FRMD8: variants seen among roughly 807,000 people sequenced by gnomAD.
FRMD8 encodes FERM domain containing 8.
A neutral mutation model predicts 54.2 loss-of-function variants in FRMD8; 37 were observed. That is an observed-to-expected ratio of 0.68 (90% CI 0.53 to 0.90). FRMD8 has a LOEUF of 0.90. Ranked by LOEUF, FRMD8 falls within the 40% of genes least tolerant of loss-of-function variation. The probability of loss-of-function intolerance (pLI) is 0.00; values close to 1 mark genes in which losing one functional copy is unlikely to be tolerated. For synonymous variants in FRMD8, 246 were observed against 286.9 expected, an observed-to-expected ratio of 0.86 and a Z score of 1.44; for missense variants, 585 against 653.7, an observed-to-expected ratio of 0.89 and a Z score of 1.15.
the FRMD8 span, among the ~76,000 whole-genome samples, chr11:65,372,252 C>G: frequency 6.6e-6 from 1 of 152,182 alleles, no homozygotes; most frequent in African/African-American, 2.4e-5. Flanking sequence ...CCTTCCTGCC[C>G]CATCTTTGTC....
intron 2 of FRMD8, among the ~76,000 whole-genome samples, chr11:65,387,774 G>A (rs1488184901): frequency 6.6e-6 from 1 of 152,096 alleles, no homozygotes; most frequent in Non-Finnish European, 1.5e-5. Flanking sequence ...TCCTGACCTC[G>A]TGATCTGCCT....
In FRMD8 at chr11:65,404,634, C is replaced by T. The variant is rs2137925834; in HGVS notation, c.1072-230C>T. Among the ~76,000 whole-genome samples the T allele has an allele frequency of 6.6e-6, 1 of 152,016 alleles. No individual in the cohort carries two copies. Reference sequence around the variant, plus strand: ...GGCTGTGCCTTCTGACCAGAATGTTCTTTCTTTCCCACCTGAACTCCCAGA... The same window carrying T: ...GGCTGTGCCTTCTGACCAGAATGTTTTTTCTTTCCCACCTGAACTCCCAGA... On this transcript the variant is annotated intron_variant, in intron 9 of 10. Coordinates refer to ENST00000317568, the MANE Select transcript of FRMD8 (RefSeq NM_031904.5). This position sits in a 1 kb window ranked among gnomAD's most constrained non-coding sequence, Gnocchi z 4.7.
the FRMD8 span, chr11:65,379,411 T>A: frequency 6.2e-7 from 1 of 1,612,640 alleles, no homozygotes; most frequent in South Asian, 1.1e-5. Flanking sequence ...GCTAGGAAGA[T>A]GTGCATGTAG....
At chr11:65,405,528 C>G (rs750633428) in intron 10 of FRMD8, among the ~76,000 whole-genome samples, 1 of 152,134 alleles carries the variant, frequency 6.6e-6, no homozygotes, top group Non-Finnish European at 1.5e-5. Context: ...GAGGCTGAGG[C>G]AGGAAAAACG....
chr11:65,408,501 A>G (rs749296599), intron 10 of FRMD8, among the ~76,000 whole-genome samples: 3 of 151,814 alleles, frequency 2.0e-5, no homozygotes, highest in African/African-American at 4.8e-5. Flanking sequence ...TGGGCATTAC[A>G]GTTTTCAGCG....
At chr11:65,394,454 G>A (rs1271354955) in intron 6 of FRMD8, 29 bp downstream of exon 6, 1 of 1,546,618 alleles carries the variant, frequency 6.5e-7, no homozygotes, top group Non-Finnish European at 8.7e-7. Context: ...TGAGGCGGGG[G>A]CGCTGGGTGG....
the FRMD8 span, among the ~76,000 whole-genome samples, chr11:65,373,312 C>T: frequency 1.1e-4 from 17 of 152,318 alleles, 1 homozygote; most frequent in South Asian, 3.3e-3. Flanking sequence ...ACCTGGGAAC[C>T]GGCCTCAGGT....
upstream of FRMD8, among the ~76,000 whole-genome samples, chr11:65,385,238 A>G (rs1485272692): frequency 6.6e-6 from 1 of 152,172 alleles, no homozygotes; most frequent in Non-Finnish European, 1.5e-5. Flanking sequence ...GCTGAGAACC[A>G]GGAAGGAGAT....
rs1338516637 is a variant in FRMD8, at chr11:65,412,832, G to A, written c.*1472G>A. 1.3e-5 allele frequency: 2 copies of A among 152,178 alleles called. No individual in the cohort carries two copies. Among genetic ancestry groups the A allele is most frequent in the Admixed American group, 6.5e-5 (1 of 15,280 alleles). The allele number at this position is 152,178 out of a possible 1,614,324, so 9.4% of individuals were successfully genotyped here. On this transcript the variant is annotated 3_prime_UTR_variant, in exon 11 of 11. Transcript: ENST00000317568. ...AGGCGGAAAGAAGAGGCCTGGGAAG[G>A]GCCCCCAGTCTTTTGGAATGTCCTG...
At chr11:65,381,675 C>T (rs769034308), upstream of FRMD8, 8 of 488,692 alleles carry the variant, frequency 1.6e-5, no homozygotes, top group African/African-American at 2.0e-5. Context: ...TCAAGCAATC[C>T]TCCTAAGTAG....
At chr11:65,380,151 T>G in the FRMD8 span, 2 of 1,614,184 alleles carry the variant, frequency 1.2e-6, no homozygotes, top group Non-Finnish European at 1.7e-6. Context: ...GTCAAACGGG[T>G]GTCCCAGGAC....
chr11:65,386,673 C>G lies in FRMD8; in HGVS notation c.-89C>G, dbSNP rs557981775. ...GTCAGCTGCGTCCTTAGCGGGAGCCCGAGTGCGGGCGGTGGCGGGCTTGGC... is the reference window on the plus strand; with the variant it reads ...GTCAGCTGCGTCCTTAGCGGGAGCCGGAGTGCGGGCGGTGGCGGGCTTGGC... On this transcript the variant is annotated 5_prime_UTR_variant, in exon 1 of 11. Coordinates refer to ENST00000317568, the MANE Select transcript of FRMD8 (RefSeq NM_031904.5). The G allele has an allele frequency of 3.6e-6, 1 of 275,930 alleles. No homozygotes were observed. The highest frequency in any genetic ancestry group is 5.4e-5 in the Admixed American group (1 of 18,604). The allele number at this position is 275,930 out of a possible 1,614,324, so 17.1% of individuals were successfully genotyped here.
chr11:65,394,168 C>T (rs570592324), intron 5 of FRMD8, 69 bp downstream of exon 5: 13 of 1,603,172 alleles, frequency 8.1e-6, no homozygotes, highest in East Asian at 2.2e-5. Flanking sequence ...TCCCTAGACC[C>T]CTGGACATTC....
chr11:65,377,144 A>C, the FRMD8 span: 1 of 1,536,874 alleles, frequency 6.5e-7, no homozygotes, highest in African/African-American at 1.4e-5. Flanking sequence ...TTATATTCAC[A>C]AGAGGAAGGA....
chr11:65,399,865 G>GC lies in FRMD8; in HGVS notation c.927+11dup. On this transcript the variant is annotated splice_region_variant and intron_variant, in intron 8 of 10. Coordinates refer to ENST00000317568, the MANE Select transcript of FRMD8 (RefSeq NM_031904.5). ...TCATCGATAGCAGAGAGAAGGTACTGCCCCCAGCTCCTCCAGGGTGGAGAG... is the reference window on the plus strand; with the variant it reads ...TCATCGATAGCAGAGAGAAGGTACTGCCCCCCAGCTCCTCCAGGGTGGAGAG... The GC allele has an allele frequency of 6.2e-7, 1 of 1,610,346 alleles. No homozygotes were observed. The highest frequency in any genetic ancestry group is 8.5e-7 in the Non-Finnish European group (1 of 1,177,944).
At chr11:65,376,084 A>G in the FRMD8 span, 1 of 299,506 alleles carries the variant, frequency 3.3e-6, no homozygotes, top group Admixed American at 4.6e-5. Flanking sequence ...AAAAAAAAAA[A>G]AAAAAAAAGA....
rs1255875307 is a variant in FRMD8, at chr11:65,411,696, C to T, written c.*336C>T. 4.8e-6 allele frequency: 1 copy of T among 209,476 alleles called. No individual in the cohort carries two copies. The highest frequency in any genetic ancestry group is 9.6e-6 in the Non-Finnish European group (1 of 104,710). 13.0% of individuals were successfully genotyped at this position (209,476 alleles called of 1,614,324 possible). A position where few individuals can be genotyped will look rare whatever the true frequency, so the allele number is the denominator to read the frequency against. Reference sequence around the variant, plus strand: ...GTGCCCACCTCAAGATGGGCAGTGTCCCTGTTCTGAAGTGCCCAGTGGCAG... The same window carrying T: ...GTGCCCACCTCAAGATGGGCAGTGTTCCTGTTCTGAAGTGCCCAGTGGCAG... On this transcript the variant is annotated 3_prime_UTR_variant, in exon 11 of 11. Coordinates refer to ENST00000317568, the MANE Select transcript of FRMD8 (RefSeq NM_031904.5).
At position 65,400,733 on chromosome 11, in the gene FRMD8, C is replaced by T. The variant is rs760569829; in HGVS notation, c.937C>T (p.Leu313=). 1 of 1,593,238 alleles carries T rather than the reference C, an allele frequency of 6.3e-7. No homozygotes were observed. Among genetic ancestry groups the T allele is most frequent in the African/African-American group, 1.3e-5 (1 of 74,768 alleles). Residue 313 remains leucine, a synonymous_variant, in exon 9 of 11, where the codon CTG becomes TTG. Transcript: ENST00000317568. This position sits in a 1 kb window ranked among gnomAD's most constrained non-coding sequence, Gnocchi z 4.3. ...VIDSREKHVL[L]GLRFQELSWD... is the part of the protein sequence containing the mutation. ...GTCTCCTGCTGGCCAGCATGTCCTG[C>T]TGGGCCTGCGCTTCCAGGAGCTGTC... is the stretch of plus-strand genomic sequence containing the variant.
upstream of FRMD8, among the ~76,000 whole-genome samples, chr11:65,384,248 G>A (rs1453824037): frequency 6.6e-6 from 1 of 152,038 alleles, no homozygotes; most frequent in Non-Finnish European, 1.5e-5. Context: ...TCATCCTGGG[G>A]TTCAAGGCCT....
Sources: allele counts gnomAD v4.1 joint callset (sites outside exome capture counted in the v4.1 genomes callset), GRCh38; gene constraint gnomAD v4.1.1; non-coding constraint Gnocchi (gnomAD v3.1); transcripts MANE v1.5; gene names NCBI Gene and HGNC (gene_info 2026-07-23, HGNC 2026-07-21).